AKT1: variants seen among roughly 807,000 people sequenced by gnomAD.
AKT1 encodes RAC-alpha serine/threonine-protein kinase.
AKT1 carries 21 observed loss-of-function variants against 63.1 expected under a neutral mutation model. The ratio of observed to expected loss-of-function variants is 0.33; its 90% CI spans 0.24 to 0.48. The LOEUF is 0.48. Among genes scored for constraint, AKT1 ranks in the 20% least tolerant of loss-of-function variants. The pLI is 0.99. For synonymous variants in AKT1, 257 were observed against 253.1 expected, an observed-to-expected ratio of 1.02 and a Z score of -0.15; for missense variants, 382 against 666.0, an observed-to-expected ratio of 0.57 and a Z score of 4.69.
At chr14:104,790,533 G>A (rs1893575584) in intron 3 of AKT1, among the ~76,000 whole-genome samples, 2 of 152,226 alleles carry the variant, frequency 1.3e-5, no homozygotes, top group African/African-American at 4.8e-5. Flanking sequence ...GACGGGAGTG[G>A]CGAAATGCGG....
chr14:104,790,526 G>A lies in AKT1; in HGVS notation c.46+2072C>T, dbSNP rs376280301. Among the ~76,000 whole-genome samples, 12 of 152,344 alleles carry A rather than the reference G, an allele frequency of 7.9e-5. No homozygotes were observed. In the East Asian group the frequency reaches 1.2e-3, roughly 15 times the overall value. On this transcript the variant is annotated intron_variant, in intron 3 of 14. Transcript: ENST00000649815. ...AAGACACACAGGGGACCCCAGGGACGGGAGTGGCGAAATGCGGCAGGCCCC... is the reference window on the plus strand; with the variant it reads ...AAGACACACAGGGGACCCCAGGGACAGGAGTGGCGAAATGCGGCAGGCCCC...
intron 6 of AKT1, 36 bp from the exon 7 acceptor site, chr14:104,775,243 C>T (rs2140919173): frequency 6.2e-7 from 1 of 1,610,522 alleles, no homozygotes. Flanking sequence ...AGCGGCGCTG[C>T]CAACAGTGCC....
At chr14:104,775,353 C>T (rs963388284) in intron 6 of AKT1, 146 bp from the exon 7 acceptor site, 45 of 1,431,032 alleles carry the variant, frequency 3.1e-5, no homozygotes, top group African/African-American at 2.1e-4. Context: ...CTGGGCTCAG[C>T]GGGGAGTCCA....
intron 8 of AKT1, chr14:104,774,236 C>T (rs1892582209): frequency 1.8e-6 from 1 of 544,770 alleles, no homozygotes; most frequent in Non-Finnish European, 3.4e-6. Flanking sequence ...CTGCCCCACA[C>T]CACACTGCCC....
chr14:104,772,288 G>A lies in AKT1; in HGVS notation c.1260+77C>T. The A allele has an allele frequency of 8.0e-6, 12 of 1,493,410 alleles. No homozygotes were observed. The Admixed American group carries it at 8.4e-5, about 10-fold the overall frequency. The allele number at this position is 1,493,410 out of a possible 1,614,324, so 92.5% of individuals were successfully genotyped here. On this transcript the variant is annotated intron_variant, in intron 13 of 14. Transcript: ENST00000649815. ...AGGGCGAGTGTGTGGGAAATCTGGC[G>A]AGCGTGCCACGTGCATGCGTGAGTG...
Position 104,772,541 on chromosome 14 carries a change from G to A in AKT1, c.1173-89C>T, listed in dbSNP as rs149990267. The A allele has an allele frequency of 5.1e-3, 6,871 of 1,337,600 alleles. 33 individuals carry two copies. The highest frequency in any genetic ancestry group is 0.013 in the Middle Eastern group (70 of 5,254). 82.9% of individuals were successfully genotyped at this position (1,337,600 alleles called of 1,614,324 possible). A position where few individuals can be genotyped will look rare whatever the true frequency, so the allele number is the denominator to read the frequency against. On this transcript the variant is annotated intron_variant, in intron 12 of 14. Transcript: ENST00000649815. ...CCCTTCCTCCTGTGATGTAGGGCCC[G>A]CCAGACAGGACGTTCCGGGGCCAGG... is the stretch of plus-strand genomic sequence containing the variant.
intron 3 of AKT1, among the ~76,000 whole-genome samples, chr14:104,785,175 G>A (rs1457111738): frequency 2.6e-5 from 4 of 152,242 alleles, no homozygotes; most frequent in South Asian, 2.1e-4. Flanking sequence ...AGACGGCTCC[G>A]CTGACGGCAG....
rs560243859 is a variant in AKT1, at chr14:104,780,089, C to T, written c.174G>A (p.Ala58=). The change falls in exon 4 of 15, where the codon GCG becomes GCA. Residue 58 remains alanine (A), a splice_region_variant and synonymous_variant. Coordinates refer to ENST00000649815, the MANE Select transcript of AKT1 (RefSeq NM_001382430.1). ...CCGAGAGGCCAAGGGGATACTTACG[C>T]GCCACAGAGAAGTTGTTGAGGGGAG... ...REAPLNNFSV[A]QCQLMKTERP... is the part of the protein sequence containing the mutation. 62 of 1,613,300 alleles carry T rather than the reference C, an allele frequency of 3.8e-5. No individual in the cohort carries two copies. Among genetic ancestry groups the T allele is most frequent in the South Asian group, 3.5e-4 (32 of 91,070 alleles).
At chr14:104,774,460 A>C (rs1203675127) in intron 8 of AKT1, 1 of 223,156 alleles carries the variant, frequency 4.5e-6, no homozygotes. Flanking sequence ...GCCTTCCACC[A>C]CAGGCGACTG....
chr14:104,776,709 C>T lies in AKT1; in HGVS notation c.237G>A (p.Gln79=), dbSNP rs747020429. 93 of 1,613,524 alleles carry T rather than the reference C, an allele frequency of 5.8e-5. 1 individual carries two copies. In the Middle Eastern group the frequency reaches 4.0e-3, roughly 69 times the overall value. The change falls in exon 5 of 15, where the codon CAG becomes CAA. Residue 79 remains glutamine, a synonymous_variant. Transcript: ENST00000649815. ...AGGTGCGTTCGATGACAGTGGTCCA[C>T]TGCAGGCAGCGGATGATGAAGGTGT... ...RPNTFIIRCL[Q]WTTVIERTFH...
intron 4 of AKT1, 123 bp downstream of exon 4, chr14:104,779,965 C>G: frequency 7.1e-7 from 1 of 1,406,848 alleles, no homozygotes; most frequent in South Asian, 1.4e-5. Context: ...CCAGCCAGTG[C>G]TTGTTGCTTG....
chr14:104,770,623 A>G (rs1374303322), intron 14 of AKT1, 122 bp downstream of exon 14: 1 of 1,065,040 alleles, frequency 9.4e-7, no homozygotes, highest in East Asian at 2.6e-5. Context: ...GGCACTCTCC[A>G]AAAGGAACCT....
chr14:104,776,538 C>A, intron 5 of AKT1, 121 bp downstream of exon 5: 1 of 811,384 alleles, frequency 1.2e-6, no homozygotes, highest in Non-Finnish European at 1.9e-6. Context: ...TGAGGAGGGC[C>A]TGGGAGCACT....
intron 9 of AKT1, 21 bp from the exon 10 acceptor site, chr14:104,773,601 G>A: frequency 4.4e-6 from 7 of 1,596,092 alleles, no homozygotes; most frequent in Non-Finnish European, 6.0e-6. Flanking sequence ...CGCAACCTGA[G>A]GCACAGCCGT....
chr14:104,770,704 A>G (rs1293194254), intron 14 of AKT1, 41 bp downstream of exon 14: 1 of 1,549,418 alleles, frequency 6.5e-7, no homozygotes, highest in East Asian at 2.2e-5. Flanking sequence ...CTGAGTGTGG[A>G]GAGAAAAGGG....
At chr14:104,774,163 C>T (rs1892572398) in intron 8 of AKT1, 183 bp from the exon 9 acceptor site, 2 of 622,292 alleles carry the variant, frequency 3.2e-6, no homozygotes, top group East Asian at 2.8e-5. Flanking sequence ...CTGCCCCACA[C>T]CACACACCCC....
chr14:104,786,426 CGGGGCTCGGCCG>C (rs71129247), intron 3 of AKT1: 114,216 of 151,940 alleles, frequency 0.75, 45,522 homozygotes, highest in Non-Finnish European at 0.9. Flanking sequence ...AGGCTCCTTC[CGGGGCTCGGCCG>C]GGGGCACGCA....
rs61761195 is a variant in AKT1 at position 104,774,269 on chromosome 14, C to T, written c.634-289G>A. On this transcript the variant is annotated intron_variant, in intron 8 of 14. Transcript: ENST00000649815. ...CCCCACACCACACTGCCTCATGCCA[C>T]GCCACCATCAGGCTGGGCCCCGGCA... The T allele has an allele frequency of 8.2e-3, 3,987 of 484,312 alleles. 32 individuals carry two copies. The highest frequency in any genetic ancestry group is 0.025 in the Middle Eastern group (44 of 1,784). 30.0% of individuals were successfully genotyped at this position (484,312 alleles called of 1,614,324 possible).
chr14:104,769,640 G>C lies in AKT1; in HGVS notation c.*701C>G. 2.0e-6 allele frequency: 1 copy of C among 507,930 alleles called. No homozygotes were observed. Among genetic ancestry groups the C allele is most frequent in the East Asian group, 4.2e-5 (1 of 23,978 alleles). 31.5% of individuals were successfully genotyped at this position (507,930 alleles called of 1,614,324 possible). A position where few individuals can be genotyped will look rare whatever the true frequency, so the allele number is the denominator to read the frequency against. ...AGTCACCAAGAACTGTGACACAGAA[G>C]GGGAAGGGGGAGGGCTTTCCTGTCA... On this transcript the variant is annotated 3_prime_UTR_variant, in exon 15 of 15. Coordinates refer to ENST00000649815, the MANE Select transcript of AKT1 (RefSeq NM_001382430.1).
Sources: gnomAD v4.1 joint callset for allele counts (sites outside exome capture counted in the v4.1 genomes callset) on GRCh38, gnomAD v4.1.1 for gene constraint, MANE v1.5 for transcripts, NCBI Gene and HGNC (gene_info 2026-07-23, HGNC 2026-07-21) for gene names.